The following MCC variants were observed in gnomAD, a reference collection of about 807,000 sequenced individuals.
MCC encodes MCC regulator of Wnt signaling pathway.
In MCC, 90 loss-of-function variants were observed where a neutral mutation model predicts 116.2. The ratio of observed to expected loss-of-function variants is 0.77; its 90% CI spans 0.65 to 0.92. The LOEUF (loss-of-function observed/expected upper bound fraction) is 0.92, where lower values mean the gene tolerates loss of function less well. MCC is among the 40% of genes least tolerant of loss of function. The pLI, the probability that MCC is intolerant of heterozygous loss-of-function variation, is 0.00. For synonymous variants in MCC, 578 were observed against 510.5 expected (o/e 1.13, Z -1.78); for missense variants, 1,516 against 1,312.2 (o/e 1.16, Z -2.40).
chr5:113,106,535 TA>T (rs540744092), intron 6 of MCC, among the ~76,000 whole-genome samples: 26 of 150,176 alleles, frequency 1.7e-4, no homozygotes, highest in East Asian at 3.9e-4. Flanking sequence ...AAATTTTAAT[TA>T]AAAAAAAAAT....
rs576933064 is a variant in MCC, at chr5:113,216,354, A to G, written c.628-64932T>C. ...AGGTATAAGAAGTCCTAGGAACACT[A>G]GCTCCCCAGGATTCTGTCAGTCTGC... On this transcript the variant is annotated intron_variant, in intron 3 of 18. Coordinates refer to ENST00000408903, the MANE Select transcript of MCC (RefSeq NM_001085377.2). 2.1e-4 allele frequency among the ~76,000 whole-genome samples: 32 copies of G among 152,222 alleles called. No homozygotes were observed. The South Asian group carries it at 6.6e-3, about 32-fold the overall frequency.
chr5:113,236,822 A>T (rs1184007881), intron 3 of MCC, among the ~76,000 whole-genome samples: 1 of 152,124 alleles, frequency 6.6e-6, no homozygotes, highest in African/African-American at 2.4e-5. Flanking sequence ...GGGACGGGGG[A>T]CAGGCGGGGT....
Position 113,046,710 on chromosome 5 carries a change from A to AAAAAAAAAAAAAAAAAG in MCC, c.2655+2382_2655+2383insCTTTTTTTTTTTTTTTT. Among the ~76,000 whole-genome samples the AAAAAAAAAAAAAAAAAG allele has an allele frequency of 3.5e-3, 357 of 102,446 alleles. 62 individuals carry two copies. The highest frequency in any genetic ancestry group is 6.0e-3 in the Middle Eastern group (1 of 168). 67.2% of individuals were successfully genotyped at this position (102,446 alleles called of 152,430 possible). ...CAAAAAAAAAAAAAAAAAAAAAAAA[A>AAAAAAAAAAAAAAAAAG]AGAGAGAGATTTTGAAGGTGTTTGT... On this transcript the variant is annotated intron_variant, in intron 16 of 18. Transcript: ENST00000408903.
intron 2 of MCC, among the ~76,000 whole-genome samples, chr5:113,362,843 T>G (rs1768581888): frequency 1.3e-5 from 2 of 152,176 alleles, no homozygotes; most frequent in African/African-American, 4.8e-5. Context: ...ATTGTCTTTT[T>G]TTACACTAAT....
At chr5:113,406,625 C>T (rs564627088) in intron 1 of MCC, among the ~76,000 whole-genome samples, 3 of 151,962 alleles carry the variant, frequency 2.0e-5, no homozygotes, top group African/African-American at 4.8e-5. Context: ...TTTTTCAAAT[C>T]GATCTAAATA....
chr5:113,025,480 A>G lies in MCC; in HGVS notation c.*1822T>C, dbSNP rs1441273188. 4 of 150,876 alleles carry G rather than the reference A, an allele frequency of 2.7e-5. No individual in the cohort carries two copies. Among genetic ancestry groups the G allele is most frequent in the African/African-American group, 9.8e-5 (4 of 40,996 alleles). 9.3% of individuals were successfully genotyped at this position (150,876 alleles called of 1,614,324 possible). On this transcript the variant is annotated 3_prime_UTR_variant, in exon 19 of 19. Transcript: ENST00000408903. ...TCTCTACTAAAAATACAAAAAAACT[A>G]GCTGGGTATGGTGGCGGGCACCTGT... is the stretch of plus-strand genomic sequence containing the variant.
intron 3 of MCC, among the ~76,000 whole-genome samples, chr5:113,271,997 T>A (rs140314856): frequency 9.2e-5 from 14 of 152,298 alleles, no homozygotes; most frequent in Admixed American, 3.9e-4. Context: ...CTCAAACAAG[T>A]AAGAATATTT....
At chr5:113,072,752 T>C (rs1754126437) in intron 11 of MCC, among the ~76,000 whole-genome samples, 1 of 152,198 alleles carries the variant, frequency 6.6e-6, no homozygotes, top group Non-Finnish European at 1.5e-5. Context: ...GTGATTTCTA[T>C]CCAGTCCCAT....
At chr5:113,446,082 A>T (rs1284422257) in intron 1 of MCC, among the ~76,000 whole-genome samples, 1 of 152,244 alleles carries the variant, frequency 6.6e-6, no homozygotes, top group Non-Finnish European at 1.5e-5. Flanking sequence ...CTTTCACCAT[A>T]TATAAAAATT....
chr5:113,378,938 GA>G (rs1355357352), intron 2 of MCC, among the ~76,000 whole-genome samples: 2 of 152,170 alleles, frequency 1.3e-5, no homozygotes, highest in Non-Finnish European at 2.9e-5. Context: ...TTTTCAAAAT[GA>G]AATCTACAAG....
intron 2 of MCC, among the ~76,000 whole-genome samples, chr5:113,383,104 A>G (rs776987079): frequency 1.3e-5 from 2 of 152,312 alleles, no homozygotes; most frequent in Non-Finnish European, 2.9e-5. Context: ...AGTTCCTTTT[A>G]GGATTTTTAT....
rs549468537 is a variant in MCC at position 113,167,410 on chromosome 5, C to T, written c.628-15988G>A. Among the ~76,000 whole-genome samples, 6 of 152,152 alleles carry T rather than the reference C, an allele frequency of 3.9e-5. 1 individual carries two copies. The highest frequency in any genetic ancestry group is 6.5e-5 in the Admixed American group (1 of 15,274). Reference sequence around the variant, plus strand: ...CACACCTGCAGGGCTGAGGGCTACCCGGAAAAGTGACTTAAATAGAACTGG... The same window carrying T: ...CACACCTGCAGGGCTGAGGGCTACCTGGAAAAGTGACTTAAATAGAACTGG... On this transcript the variant is annotated intron_variant, in intron 3 of 18. Coordinates refer to ENST00000408903, the MANE Select transcript of MCC (RefSeq NM_001085377.2).
rs1317323618 is a variant in MCC, at chr5:113,295,683, TC to T, written c.627+44835del. Among the ~76,000 whole-genome samples the T allele has an allele frequency of 4.6e-5, 7 of 152,292 alleles. No individual in the cohort carries two copies. In the East Asian group the frequency reaches 1.3e-3, roughly 29 times the overall value. ...TCTGAGCTCCCCTTCAACTTTGAGT[TC>T]CCGAGGTAAAACATCCTGTGTCTAT... On this transcript the variant is annotated intron_variant, in intron 3 of 18. Transcript: ENST00000408903.
At chr5:113,351,005 A>G (rs1055222859) in intron 2 of MCC, among the ~76,000 whole-genome samples, 12 of 152,202 alleles carry the variant, frequency 7.9e-5, no homozygotes, top group African/African-American at 2.6e-4. Context: ...ATCCCAGTTA[A>G]AGTGGATTTT....
At chr5:113,199,087 G>C (rs1762564772) in intron 3 of MCC, among the ~76,000 whole-genome samples, 1 of 152,144 alleles carries the variant, frequency 6.6e-6, no homozygotes. Flanking sequence ...AGAATTGCTT[G>C]AACCTGGGAG....
At chr5:113,469,392 T>C (rs1772013582) in intron 1 of MCC, among the ~76,000 whole-genome samples, 1 of 152,242 alleles carries the variant, frequency 6.6e-6, no homozygotes, top group African/African-American at 2.4e-5. Context: ...GTCTTTGTTC[T>C]CGTTGGTTTC....
chr5:113,364,238 G>GAAAAAAAAAAAAAAAAGAAAAACAA (rs1768626264), intron 2 of MCC, among the ~76,000 whole-genome samples: 1 of 49,422 alleles, frequency 2.0e-5, no homozygotes, highest in East Asian at 8.2e-4. Context: ...CTCAAAAACA[G>GAAAAAAAAAAAAAAAAGAAAAACAA]AAAAAAAAAA....
chr5:113,222,641 A>G (rs1581271900), intron 3 of MCC, among the ~76,000 whole-genome samples: 1 of 152,354 alleles, frequency 6.6e-6, no homozygotes, highest in East Asian at 1.9e-4. Context: ...TAAGAAGAAG[A>G]GATTAATTCT....
In MCC at chr5:113,146,857, C is replaced by T. The variant is rs1275829779; in HGVS notation, c.742-3497G>A. On this transcript the variant is annotated intron_variant, in intron 4 of 18. Transcript: ENST00000408903. ...ACAGGTAATTGCATCCAGGGTTCTTCCTCCTCCCAGCCCATATTCAATTTT... is the reference window on the plus strand; with the variant it reads ...ACAGGTAATTGCATCCAGGGTTCTTTCTCCTCCCAGCCCATATTCAATTTT... 2.6e-5 allele frequency among the ~76,000 whole-genome samples: 4 copies of T among 152,212 alleles called. No individual in the cohort carries two copies. The East Asian group carries it at 7.7e-4, about 29-fold the overall frequency.
Sources: gnomAD v4.1 joint callset for allele counts (sites outside exome capture counted in the v4.1 genomes callset) on GRCh38, gnomAD v4.1.1 for gene constraint, MANE v1.5 for transcripts, NCBI Gene and HGNC (gene_info 2026-07-23, HGNC 2026-07-21) for gene names.